Variants in MAP6 observed in about 807,000 individuals in gnomAD.
MAP6 encodes microtubule-associated protein 6.
In MAP6, 26 loss-of-function variants were observed where a neutral mutation model predicts 42.4. The observed-to-expected ratio is 0.61, with a 90% CI of 0.45 to 0.85. MAP6 has a LOEUF of 0.85. Among genes scored for constraint, MAP6 ranks in the 40% least tolerant of loss-of-function variants. The pLI is 0.00. For missense variants in MAP6, 966 were observed against 1,099.0 expected (o/e 0.88, Z 1.71); for synonymous variants, 418 against 443.8 (o/e 0.94, Z 0.73).
intron 3 of MAP6, 154 bp downstream of exon 3, chr11:75,605,654 G>A: frequency 1.4e-6 from 2 of 1,429,552 alleles, no homozygotes; most frequent in South Asian, 1.5e-5. Flanking sequence ...ATCAAAAGAA[G>A]CCAAACCAAA....
intron 1 of MAP6, among the ~76,000 whole-genome samples, chr11:75,647,346 T>G (rs891797021): frequency 1.3e-4 from 1 of 7,434 alleles, no homozygotes; most frequent in Non-Finnish European, 2.6e-4. Flanking sequence ...ACCCACCTGA[T>G]CAAAAAAAAA....
At chr11:75,645,131 C>T (rs953814951) in intron 1 of MAP6, among the ~76,000 whole-genome samples, 5 of 152,144 alleles carry the variant, frequency 3.3e-5, no homozygotes, top group African/African-American at 9.7e-5. Flanking sequence ...GAGCAGTAAA[C>T]GTGAGAAGTG....
chr11:75,636,621 C>A (rs988642002), intron 1 of MAP6, among the ~76,000 whole-genome samples: 3 of 152,152 alleles, frequency 2.0e-5, no homozygotes, highest in African/African-American at 7.2e-5. Flanking sequence ...AATAACCATT[C>A]CCCAACCACC....
At chr11:75,645,797 G>A (rs1360543301) in intron 1 of MAP6, among the ~76,000 whole-genome samples, 2 of 151,884 alleles carry the variant, frequency 1.3e-5, no homozygotes, top group Non-Finnish European at 2.9e-5. Flanking sequence ...TACTGAATGA[G>A]GTACATATCC....
chr11:75,595,830 C>T (rs1212560941), intron 3 of MAP6, among the ~76,000 whole-genome samples: 1 of 149,074 alleles, frequency 6.7e-6, no homozygotes, highest in Non-Finnish European at 1.5e-5. Flanking sequence ...CCTGCTTCAT[C>T]TCTCTTTCCC....
intron 1 of MAP6, among the ~76,000 whole-genome samples, chr11:75,630,817 T>A (rs1324231352): frequency 1.3e-5 from 2 of 152,242 alleles, no homozygotes; most frequent in African/African-American, 4.8e-5. Context: ...ATGATTCAAG[T>A]GTTTTGTTAA....
intron 3 of MAP6, among the ~76,000 whole-genome samples, chr11:75,595,782 G>A (rs1942569059): frequency 8.4e-6 from 1 of 119,418 alleles, no homozygotes; most frequent in Non-Finnish European, 1.6e-5. Flanking sequence ...TTTTGTATCT[G>A]CCTCTCTAGA....
At chr11:75,635,555 G>T (rs756447686) in intron 1 of MAP6, among the ~76,000 whole-genome samples, 5 of 152,202 alleles carry the variant, frequency 3.3e-5, no homozygotes, top group Admixed American at 6.5e-5. Context: ...TAGTTTGTCA[G>T]TTCATATTTT....
At chr11:75,639,377 T>C (rs779455421) in intron 1 of MAP6, among the ~76,000 whole-genome samples, 1 of 152,232 alleles carries the variant, frequency 6.6e-6, no homozygotes. Context: ...TTTTTCTTTA[T>C]GCAGAAGGCT....
chr11:75,646,552 C>T (rs1042247553), intron 1 of MAP6, among the ~76,000 whole-genome samples: 1 of 143,628 alleles, frequency 7.0e-6, no homozygotes, highest in Non-Finnish European at 1.5e-5. Flanking sequence ...TGCCTGTAAT[C>T]TCAGCACTCT....
chr11:75,667,563 C>T lies in MAP6; in HGVS notation c.807G>A (p.Gln269=). The T allele has an allele frequency of 6.8e-7, 1 of 1,475,414 alleles. No individual in the cohort carries two copies. Among genetic ancestry groups the T allele is most frequent in the Non-Finnish European group, 8.9e-7 (1 of 1,120,936 alleles). The allele number at this position is 1,475,414 out of a possible 1,614,324, so 91.4% of individuals were successfully genotyped here. A position where few individuals can be genotyped will look rare whatever the true frequency, so the allele number is the denominator to read the frequency against. ...CCCTGCCAGCCTCGGGGCCGGTGGC[C>T]TGGACCTGGGCCTGGGCCGCGGGCA... ...TPLPAAQAQV[Q]ATGPEAGRGR... The change falls in exon 1 of 4, where the codon CAG becomes CAA. Residue 269 remains glutamine, a synonymous_variant. Coordinates refer to ENST00000304771, the MANE Select transcript of MAP6 (RefSeq NM_033063.2). This position sits in a 1 kb window ranked among gnomAD's most constrained non-coding sequence, Gnocchi z 5.6.
intron 1 of MAP6, among the ~76,000 whole-genome samples, chr11:75,626,172 T>C (rs566013290): frequency 2.9e-3 from 436 of 152,296 alleles, no homozygotes; most frequent in Middle Eastern, 0.02. Flanking sequence ...CTGAACTGGA[T>C]GCCCTAGAGG....
At chr11:75,593,107 TATCTC>T (rs1333788789) in intron 3 of MAP6, among the ~76,000 whole-genome samples, 8 of 152,204 alleles carry the variant, frequency 5.3e-5, no homozygotes, top group African/African-American at 1.7e-4. Context: ...TTTCCTCTCT[TATCTC>T]AGCTAATTCC....
At chr11:75,648,888 A>AT in intron 1 of MAP6, among the ~76,000 whole-genome samples, 1 of 152,366 alleles carries the variant, frequency 6.6e-6, no homozygotes, top group Middle Eastern at 3.4e-3. Flanking sequence ...ACATTTCCAT[A>AT]TTATGAAGTT....
intron 1 of MAP6, among the ~76,000 whole-genome samples, chr11:75,617,470 C>CATG (rs540556540): frequency 3.4e-5 from 4 of 118,772 alleles, no homozygotes; most frequent in South Asian, 5.8e-4. Flanking sequence ...GAGCCAAGAT[C>CATG]ATGCCTCTGT....
intron 1 of MAP6, among the ~76,000 whole-genome samples, chr11:75,613,613 C>A (rs953154732): frequency 2.6e-5 from 4 of 152,184 alleles, no homozygotes; most frequent in African/African-American, 9.7e-5. Context: ...ACAACAGAGC[C>A]TCTGGTGGAC....
At chr11:75,623,372 T>C (rs1025321511) in intron 1 of MAP6, among the ~76,000 whole-genome samples, 1 of 152,216 alleles carries the variant, frequency 6.6e-6, no homozygotes, top group African/African-American at 2.4e-5. Flanking sequence ...CACCAATGTA[T>C]AATTTTACTA....
In MAP6 at chr11:75,668,191, G is replaced by A. The variant is rs571182244; in HGVS notation, c.179C>T (p.Pro60Leu). The change falls in exon 1 of 4, where the codon CCC becomes CTC. Residue 60 changes from proline (P) to leucine (L), a missense_variant. By Grantham distance (98) the Pro-to-Leu change is moderately conservative. Transcript: ENST00000304771. ...QQQAQPALAP[P>L]SARAVAIETQ... ...CTCTATGGCAACCGCGCGCGCCGAG[G>A]GGGGCGCGAGCGCCGGCTGCGCCTG... is the stretch of plus-strand genomic sequence containing the variant. 5.9e-5 allele frequency: 73 copies of A among 1,247,326 alleles called. No homozygotes were observed. Among genetic ancestry groups the A allele is most frequent in the Admixed American group, 8.7e-5 (2 of 22,992 alleles). 77.3% of individuals were successfully genotyped at this position (1,247,326 alleles called of 1,614,324 possible).
At chr11:75,603,761 A>G (rs1018442031) in intron 3 of MAP6, 15 of 985,076 alleles carry the variant, frequency 1.5e-5, no homozygotes, top group African/African-American at 1.7e-5. Flanking sequence ...AGTGCCTGGC[A>G]CACGGGCTTC....
Sources: gnomAD v4.1 joint callset for allele counts (sites outside exome capture counted in the v4.1 genomes callset) on GRCh38, gnomAD v4.1.1 for gene constraint, Gnocchi (gnomAD v3.1) non-coding constraint, MANE v1.5 for transcripts, NCBI Gene and HGNC (gene_info 2026-07-23, HGNC 2026-07-21) for gene names.